The following SMAD9 variants were observed in gnomAD, a reference collection of about 807,000 sequenced individuals.
SMAD9 encodes SMAD family member 9.
Under a neutral mutation model 46.1 loss-of-function variants are expected in SMAD9, and 36 were observed. That is an observed-to-expected ratio of 0.78 (90% CI 0.60 to 1.03). SMAD9 has a LOEUF of 1.03. SMAD9 is among the 50% of genes least tolerant of loss of function. The probability of loss-of-function intolerance (pLI) is 0.00; values close to 1 mark genes in which losing one functional copy is unlikely to be tolerated. For missense variants in SMAD9, 572 were observed against 599.8 expected (o/e 0.95, Z 0.48); for synonymous variants, 245 against 237.1 (o/e 1.03, Z -0.31).
At chr13:36,851,335 A>G (rs1168509604) in intron 6 of SMAD9, among the ~76,000 whole-genome samples, 1 of 152,010 alleles carries the variant, frequency 6.6e-6, no homozygotes, top group Non-Finnish European at 1.5e-5. Flanking sequence ...CTCTTCCTCC[A>G]GGGGTCCCTG....
chr13:36,863,328 C>T (rs2058201451), intron 5 of SMAD9, among the ~76,000 whole-genome samples: 1 of 152,178 alleles, frequency 6.6e-6, no homozygotes, highest in African/African-American at 2.4e-5. Context: ...GGAGTAATTT[C>T]TAAGCAGCTC....
chr13:36,860,451 C>CTTTTT lies in SMAD9; in HGVS notation c.1003+5081_1003+5085dup, dbSNP rs1195704304. On this transcript the variant is annotated intron_variant, in intron 5 of 6. Coordinates refer to ENST00000379826, the MANE Select transcript of SMAD9 (RefSeq NM_001127217.3). ...CCCACAAAGGGAGAAATTTTTTTAC[C>CTTTTT]TTTTTTTTTTTTTTTTGAGATGGAG... Among the ~76,000 whole-genome samples, 4 of 135,674 alleles carry CTTTTT rather than the reference C, an allele frequency of 2.9e-5. 1 individual carries two copies. The highest frequency in any genetic ancestry group is 8.3e-5 in the African/African-American group (3 of 36,030). The allele number at this position is 135,674 out of a possible 152,430, so 89.0% of individuals were successfully genotyped here. A position where few individuals can be genotyped will look rare whatever the true frequency, so the allele number is the denominator to read the frequency against.
intron 1 of SMAD9, among the ~76,000 whole-genome samples, chr13:36,906,211 G>A (rs2058619162): frequency 6.6e-6 from 1 of 151,782 alleles, no homozygotes; most frequent in Non-Finnish European, 1.5e-5. Flanking sequence ...ATGCTGGCTA[G>A]GTATCTTTTA....
At chr13:36,878,665 T>C (rs1418573592) in intron 2 of SMAD9, among the ~76,000 whole-genome samples, 1 of 152,202 alleles carries the variant, frequency 6.6e-6, no homozygotes. Context: ...TCTACTTACC[T>C]GAACTTGAAC....
At chr13:36,874,327 A>G (rs2058324590) in intron 2 of SMAD9, among the ~76,000 whole-genome samples, 1 of 152,208 alleles carries the variant, frequency 6.6e-6, no homozygotes, top group Non-Finnish European at 1.5e-5. Flanking sequence ...ATATTCCAAA[A>G]GCTCCTAGAG....
chr13:36,874,805 C>A (rs2058330005), intron 2 of SMAD9, among the ~76,000 whole-genome samples: 1 of 139,106 alleles, frequency 7.2e-6, no homozygotes, highest in African/African-American at 2.7e-5. Flanking sequence ...TTGCAGTGAG[C>A]CAAGATCGCA....
chr13:36,853,351 C>T (rs1281510727), intron 6 of SMAD9, 68 bp downstream of exon 6: 15 of 1,482,866 alleles, frequency 1.0e-5, no homozygotes, highest in Non-Finnish European at 1.4e-5. Flanking sequence ...CCTGCCACAT[C>T]AGTCAGGGTG....
intron 1 of SMAD9, among the ~76,000 whole-genome samples, chr13:36,885,901 AGAGTAAGAAGAG>A (rs1270555527): frequency 6.6e-6 from 1 of 152,196 alleles, no homozygotes; most frequent in African/African-American, 2.4e-5. Context: ...GGAGAAAGTA[AGAGTAAGAAGAG>A]GACTAAGCTA....
At chr13:36,865,812 A>G (rs2058228495) in intron 4 of SMAD9, 54 bp from the exon 5 acceptor site, 1 of 1,439,990 alleles carries the variant, frequency 6.9e-7, no homozygotes, top group Non-Finnish European at 9.7e-7. Flanking sequence ...TGGGCTGTGT[A>G]GTTCATGATT....
At chr13:36,874,914 T>C (rs1275632947) in intron 2 of SMAD9, among the ~76,000 whole-genome samples, 2 of 149,198 alleles carry the variant, frequency 1.3e-5, no homozygotes, top group African/African-American at 4.9e-5. Context: ...TGTATGTATG[T>C]ATGTGAGTGA....
At chr13:36,880,576 A>G (rs1477159255) in intron 1 of SMAD9, among the ~76,000 whole-genome samples, 1 of 152,204 alleles carries the variant, frequency 6.6e-6, no homozygotes, top group Non-Finnish European at 1.5e-5. Context: ...AGTGGCTCTC[A>G]AAGTGTGCCC....
rs543623154 is a variant in SMAD9 at position 36,873,731 on chromosome 13, C to T, written c.413-816G>A. On this transcript the variant is annotated intron_variant, in intron 2 of 6. Coordinates refer to ENST00000379826, the MANE Select transcript of SMAD9 (RefSeq NM_001127217.3). ...TACAACAATTAGCCGGGTGTGGTGG[C>T]GGGCACCTGTAATCCCAGCTATTCA... Among the ~76,000 whole-genome samples the T allele has an allele frequency of 2.6e-5, 4 of 152,096 alleles. No individual in the cohort carries two copies. In the East Asian group the frequency reaches 5.8e-4, roughly 22 times the overall value.
intron 3 of SMAD9, among the ~76,000 whole-genome samples, chr13:36,872,158 C>T (rs2058301277): frequency 6.6e-6 from 1 of 152,114 alleles, no homozygotes; most frequent in African/African-American, 2.4e-5. Flanking sequence ...CCTGGCTTCA[C>T]ATGGCAGAAA....
chr13:36,897,839 T>C (rs1298852979), intron 1 of SMAD9, among the ~76,000 whole-genome samples: 1 of 148,764 alleles, frequency 6.7e-6, no homozygotes, highest in Non-Finnish European at 1.5e-5. Flanking sequence ...GTAACAGAAA[T>C]GTCCTGTGTC....
At chr13:36,859,184 T>A (rs1387224379) in intron 5 of SMAD9, among the ~76,000 whole-genome samples, 2 of 152,190 alleles carry the variant, frequency 1.3e-5, no homozygotes, top group Non-Finnish European at 2.9e-5. Context: ...TTTTTTAGGA[T>A]TTGCTTTTTT....
Position 36,847,903 on chromosome 13 carries a change from G to A in SMAD9, c.*773C>T, listed in dbSNP as rs2058046786. ...ACCTGGTCTCCTCTGTGGAAAGCAG[G>A]AGTCTCCCTGGGTGGCTGGCTCTTG... On this transcript the variant is annotated 3_prime_UTR_variant, in exon 7 of 7. Coordinates refer to ENST00000379826, the MANE Select transcript of SMAD9 (RefSeq NM_001127217.3). 1 of 152,276 alleles carries A rather than the reference G, an allele frequency of 6.6e-6. No individual in the cohort carries two copies. The highest frequency in any genetic ancestry group is 2.4e-5 in the African/African-American group (1 of 41,470). The allele number at this position is 152,276 out of a possible 1,614,324, so 9.4% of individuals were successfully genotyped here.
chr13:36,912,043 A>G (rs1251597999), intron 1 of SMAD9, among the ~76,000 whole-genome samples: 1 of 152,204 alleles, frequency 6.6e-6, no homozygotes, highest in Admixed American at 6.5e-5. Flanking sequence ...AAAGAGAAGC[A>G]TGAAGCAGTG....
chr13:36,878,531 AG>A, intron 2 of SMAD9, among the ~76,000 whole-genome samples: 1 of 152,336 alleles, frequency 6.6e-6, no homozygotes, highest in South Asian at 2.1e-4. Context: ...TGCATTTCTC[AG>A]AATGTATTTC....
chr13:36,910,379 C>T (rs1335228518), intron 1 of SMAD9, among the ~76,000 whole-genome samples: 2 of 152,068 alleles, frequency 1.3e-5, no homozygotes, highest in Admixed American at 6.6e-5. Context: ...CTGCCTGATA[C>T]TACCATGGTG....
Sources: allele counts gnomAD v4.1 joint callset (sites outside exome capture counted in the v4.1 genomes callset), GRCh38; gene constraint gnomAD v4.1.1; transcripts MANE v1.5; gene names NCBI Gene and HGNC (gene_info 2026-07-23, HGNC 2026-07-21).